SRCIN1: variants seen among roughly 807,000 people sequenced by gnomAD.
SRCIN1 encodes the protein SRC kinase signaling inhibitor 1, also known as P130Cas-associated protein.
SRCIN1 carries 50 observed loss-of-function variants against 116.2 expected under a neutral mutation model. The ratio of observed to expected loss-of-function variants is 0.43; its 90% CI spans 0.34 to 0.54. SRCIN1 has a LOEUF of 0.54. Ranked by LOEUF, SRCIN1 falls within the 20% of genes least tolerant of loss-of-function variation. The probability of loss-of-function intolerance (pLI) is 0.02; values close to 1 mark genes in which losing one functional copy is unlikely to be tolerated. For synonymous variants in SRCIN1, 736 were observed against 750.0 expected (o/e 0.98, Z 0.30); for missense variants, 1,446 against 1,672.0 (o/e 0.86, Z 2.36).
intron 1 of SRCIN1, among the ~76,000 whole-genome samples, chr17:38,595,737 G>A (rs1908693660): frequency 2.0e-5 from 3 of 152,110 alleles, no homozygotes; most frequent in Admixed American, 6.5e-5. Context: ...CCCCTCAGCA[G>A]AGGATTCCCG....
chr17:38,574,458 T>G (rs2429989), intron 2 of SRCIN1, among the ~76,000 whole-genome samples: 15,740 of 152,120 alleles, frequency 0.1, 2,709 homozygotes, highest in African/African-American at 0.36. Context: ...CAGAACTTCC[T>G]GATGGTGGGA....
intron 17 of SRCIN1, among the ~76,000 whole-genome samples, chr17:38,547,120 A>G (rs1166784740): frequency 6.6e-6 from 1 of 152,238 alleles, no homozygotes; most frequent in Non-Finnish European, 1.5e-5. Flanking sequence ...CCCAATGCCA[A>G]AAGAACCAGC....
At position 38,558,200 on chromosome 17, in the gene SRCIN1, C is replaced by T. The variant is rs370686789; in HGVS notation, c.2201+27G>A. 1 of 1,605,288 alleles carries T rather than the reference C, an allele frequency of 6.2e-7. No individual in the cohort carries two copies. The highest frequency in any genetic ancestry group is 8.5e-7 in the Non-Finnish European group (1 of 1,174,532). ...GGTCACTCCAGCCGCACCCCCACCC[C>T]TCCCTCCGCCGCGGGCCCAGCCTCA... On this transcript the variant is annotated intron_variant, in intron 11 of 18. Transcript: ENST00000617146. This position sits in a 1 kb window ranked among gnomAD's most constrained non-coding sequence, Gnocchi z 4.6.
intron 1 of SRCIN1, among the ~76,000 whole-genome samples, chr17:38,598,124 T>C (rs191918245): frequency 6.6e-6 from 1 of 151,796 alleles, no homozygotes; most frequent in African/African-American, 2.4e-5. Flanking sequence ...AAAGTGAGAG[T>C]CTGCGGCAGT....
intron 11 of SRCIN1, among the ~76,000 whole-genome samples, chr17:38,554,547 G>A (rs1905662921): frequency 6.6e-6 from 1 of 152,190 alleles, no homozygotes. Context: ...CCTTGCGGCT[G>A]TTGGGTCTGC....
intron 2 of SRCIN1, among the ~76,000 whole-genome samples, chr17:38,576,771 C>T (rs968416328): frequency 1.3e-5 from 2 of 151,586 alleles, no homozygotes; most frequent in Non-Finnish European, 2.9e-5. Flanking sequence ...CCTTCTAGGT[C>T]CAGGCAGCTT....
Position 38,552,763 on chromosome 17 carries a change from A to T in SRCIN1, c.2294T>A (p.Val765Glu). ...CAGCGTCTCCCCGAGCTGCTTCAGC[A>T]CCAGTGCCTTCTCCTCCAGCTCAGG... is the stretch of plus-strand genomic sequence containing the variant. ...PGPELEEKAL[V>E]LKQLGETLTE... Residue 765 changes from valine to glutamate, a missense_variant, in exon 12 of 19, where the codon GTG becomes GAG. Val to Glu is a moderately radical substitution (Grantham distance 121). Coordinates refer to ENST00000617146, the MANE Select transcript of SRCIN1 (RefSeq NM_025248.3). This position sits in a 1 kb window ranked among gnomAD's most constrained non-coding sequence, Gnocchi z 5.3. The T allele has an allele frequency of 6.2e-7, 1 of 1,613,928 alleles. No individual in the cohort carries two copies.
At chr17:38,560,129 T>TC in intron 8 of SRCIN1, 32 bp from the exon 9 acceptor site, 1 of 1,531,432 alleles carries the variant, frequency 6.5e-7, no homozygotes, top group South Asian at 1.2e-5. Context: ...CATCAGGGGG[T>TC]CCAGGCCAGC....
upstream of SRCIN1, chr17:38,606,009 G>C (rs970956563): frequency 7.0e-6 from 1 of 143,434 alleles, no homozygotes; most frequent in Non-Finnish European, 1.5e-5. This position sits in a 1 kb window ranked among gnomAD's most constrained non-coding sequence, Gnocchi z 5.2. Flanking sequence ...GCGCGGCGCG[G>C]GCGCGCGCGT....
Position 38,560,106 on chromosome 17 carries a change from C to T in SRCIN1, c.1794-9G>A. On this transcript the variant is annotated splice_polypyrimidine_tract_variant and intron_variant, in intron 8 of 18. Coordinates refer to ENST00000617146, the MANE Select transcript of SRCIN1 (RefSeq NM_025248.3). ...AGCCTTCAATCTTCTCGCTGTGGCA[C>T]AGGGAAAAAAGCCATCAGGGGGTCC... 3 of 1,544,912 alleles carry T rather than the reference C, an allele frequency of 1.9e-6. No homozygotes were observed. Among genetic ancestry groups the T allele is most frequent in the Non-Finnish European group, 2.6e-6 (3 of 1,144,772 alleles).
At chr17:38,579,638 A>G (rs1194962996) in intron 1 of SRCIN1, among the ~76,000 whole-genome samples, 1 of 152,100 alleles carries the variant, frequency 6.6e-6, no homozygotes, top group East Asian at 1.9e-4. Context: ...CAAGATCAAG[A>G]CCCATAAGAG....
At chr17:38,598,689 A>G (rs933661278) in intron 1 of SRCIN1, among the ~76,000 whole-genome samples, 1 of 152,210 alleles carries the variant, frequency 6.6e-6, no homozygotes. Context: ...ACTCCACATC[A>G]GGACATGCAG....
intron 1 of SRCIN1, among the ~76,000 whole-genome samples, chr17:38,595,271 G>C (rs879001443): frequency 2.6e-5 from 4 of 151,992 alleles, no homozygotes; most frequent in Admixed American, 1.3e-4. Flanking sequence ...AGGCTGGAGT[G>C]CGGTGGCGCA....
chr17:38,533,760 G>T (rs2040960099), intron 18 of SRCIN1, among the ~76,000 whole-genome samples: 1 of 141,728 alleles, frequency 7.1e-6, no homozygotes, highest in African/African-American at 2.6e-5. Context: ...GGAGGTGGGG[G>T]TGGGGGAGGG....
At position 38,559,672 on chromosome 17, in the gene SRCIN1, G is replaced by A; in HGVS notation, c.1938C>T (p.Ser646=). Residue 646 remains serine (S), a synonymous_variant, in exon 10 of 19, where the codon AGC becomes AGT. Coordinates refer to ENST00000617146, the MANE Select transcript of SRCIN1 (RefSeq NM_025248.3). The part of the protein sequence containing the change: ...STPAGQPTAV[S]RLQMQLHLRG... ...GCAGGTGAAGCTGCATCTGCAGCCG[G>A]CTAACGGCGGTAGGCTGACCTGCGG... is the stretch of plus-strand genomic sequence containing the variant. The A allele has an allele frequency of 1.2e-6, 2 of 1,600,510 alleles. No homozygotes were observed. Among genetic ancestry groups the A allele is most frequent in the Non-Finnish European group, 8.5e-7 (1 of 1,178,716 alleles).
chr17:38,532,758 C>T lies in SRCIN1; in HGVS notation c.*539G>A, dbSNP rs1356061883. On this transcript the variant is annotated 3_prime_UTR_variant, in exon 19 of 19. Coordinates refer to ENST00000617146, the MANE Select transcript of SRCIN1 (RefSeq NM_025248.3). This position sits in a 1 kb window ranked among gnomAD's most constrained non-coding sequence, Gnocchi z 4.3. ...AGCTTAGACAGGGAGTGGGGCATCT[C>T]CAAGGCCAGTCTCCCTAAGCCCCGC... The T allele has an allele frequency of 6.6e-6, 1 of 152,388 alleles. No homozygotes were observed. Among genetic ancestry groups the T allele is most frequent in the Non-Finnish European group, 1.5e-5 (1 of 68,180 alleles). 9.4% of individuals were successfully genotyped at this position (152,388 alleles called of 1,614,324 possible). A position where few individuals can be genotyped will look rare whatever the true frequency, so the allele number is the denominator to read the frequency against.
chr17:38,566,120 G>T (rs892116176), intron 3 of SRCIN1, among the ~76,000 whole-genome samples: 1 of 152,148 alleles, frequency 6.6e-6, no homozygotes, highest in Non-Finnish European at 1.5e-5. Flanking sequence ...CAGGCAGCAC[G>T]AGGCAGCCAG....
At position 38,563,972 on chromosome 17, in the gene SRCIN1, G is replaced by A; in HGVS notation, c.541+146C>T. 1 of 876,456 alleles carries A rather than the reference G, an allele frequency of 1.1e-6. No individual in the cohort carries two copies. The highest frequency in any genetic ancestry group is 1.8e-6 in the Non-Finnish European group (1 of 570,682). The allele number at this position is 876,456 out of a possible 1,614,324, so 54.3% of individuals were successfully genotyped here. A position where few individuals can be genotyped will look rare whatever the true frequency, so the allele number is the denominator to read the frequency against. ...GGGCGAGAGAGAGATGGAGAGAGCT[G>A]GGGTTGCTTGGGGAGAAGGGGCTGT... On this transcript the variant is annotated intron_variant, in intron 4 of 18. Transcript: ENST00000617146. This position sits in a 1 kb window ranked among gnomAD's most constrained non-coding sequence, Gnocchi z 5.8.
chr17:38,594,042 G>A (rs1476850260), intron 1 of SRCIN1, among the ~76,000 whole-genome samples: 1 of 152,252 alleles, frequency 6.6e-6, no homozygotes, highest in East Asian at 1.9e-4. Flanking sequence ...TCCAGAAAAG[G>A]GTGGGTGAAA....
Sources: allele counts gnomAD v4.1 joint callset (sites outside exome capture counted in the v4.1 genomes callset), GRCh38; gene constraint gnomAD v4.1.1; non-coding constraint Gnocchi (gnomAD v3.1); transcripts MANE v1.5; gene names NCBI Gene and HGNC (gene_info 2026-07-23, HGNC 2026-07-21).